Variants in EVPLL observed in about 807,000 individuals in gnomAD.
EVPLL encodes the protein envoplakin-like protein.
A neutral mutation model predicts 46.2 loss-of-function variants in EVPLL; 39 were observed. The observed-to-expected ratio is 0.84, with a 90% CI of 0.65 to 1.10. The LOEUF (loss-of-function observed/expected upper bound fraction) is 1.10, where lower values mean the gene tolerates loss of function less well. EVPLL is among the 50% of genes least tolerant of loss of function. The pLI is 0.00. For missense variants in EVPLL, 385 were observed against 412.6 expected, an observed-to-expected ratio of 0.93 and a Z score of 0.58; for synonymous variants, 156 against 165.8, an observed-to-expected ratio of 0.94 and a Z score of 0.46.
At position 18,377,822 on chromosome 17, in the gene EVPLL, ACCTGCCCT is replaced by A. The variant is rs1567808993; in HGVS notation, c.-186_-179del. 11 of 652,164 alleles carry A rather than the reference ACCTGCCCT, an allele frequency of 1.7e-5. No individual in the cohort carries two copies. Among genetic ancestry groups the A allele is most frequent in the Admixed American group, 6.0e-5 (2 of 33,252 alleles). 40.4% of individuals were successfully genotyped at this position (652,164 alleles called of 1,614,324 possible). On this transcript the variant is annotated 5_prime_UTR_variant, in exon 1 of 11. Coordinates refer to ENST00000399134, the MANE Select transcript of EVPLL (RefSeq NM_001145127.2). ...CCAGCAAGGACGCCCGCTGCCTCCC[ACCTGCCCT>A]CCTGCCCTCCTTCACCAGCCAAGCC...
intron 4 of EVPLL, 156 bp from the exon 5 acceptor site, chr17:18,382,357 C>T (rs2151628456): frequency 1.0e-6 from 1 of 1,004,232 alleles, no homozygotes; most frequent in Non-Finnish European, 1.4e-6. Context: ...GAATGGCTCA[C>T]CCTGGGTGAG....
At chr17:18,382,723 C>A (rs1226040514) in intron 5 of EVPLL, 85 bp downstream of exon 5, 1 of 1,556,420 alleles carries the variant, frequency 6.4e-7, no homozygotes, top group East Asian at 2.4e-5. Context: ...TCGGCTGGGC[C>A]CTGGGGATAG....
chr17:18,383,619 G>GC lies in EVPLL; in HGVS notation c.876+33dup, dbSNP rs1186889639. 4.1e-6 allele frequency: 4 copies of GC among 972,406 alleles called. 1 individual carries two copies. The Admixed American group carries it at 1.2e-4, about 29-fold the overall frequency. The allele number at this position is 972,406 out of a possible 1,614,324, so 60.2% of individuals were successfully genotyped here. ...CCTCGGGCAGCGGCAGGGCGGCAGG[G>GC]CGGCAGGGCGGGAGGTCCCACAGCA... On this transcript the variant is annotated intron_variant, in intron 9 of 10. Coordinates refer to ENST00000399134, the MANE Select transcript of EVPLL (RefSeq NM_001145127.2).
rs562712110 is a variant in EVPLL at position 18,381,098 on chromosome 17, G to T, written c.63+98G>T. The T allele has an allele frequency of 2.8e-6, 4 of 1,422,504 alleles. No individual in the cohort carries two copies. The highest frequency in any genetic ancestry group is 2.8e-5 in the African/African-American group (2 of 70,614). The allele number at this position is 1,422,504 out of a possible 1,614,324, so 88.1% of individuals were successfully genotyped here. A position where few individuals can be genotyped will look rare whatever the true frequency, so the allele number is the denominator to read the frequency against. On this transcript the variant is annotated intron_variant, in intron 2 of 10. Transcript: ENST00000399134. This position sits in a 1 kb window ranked among gnomAD's most constrained non-coding sequence, Gnocchi z 4.2. ...ACTCCCTGAGTGCCCCCTGGTGATG[G>T]TGAAGATGGGACAGATGACATTTGT...
Position 18,381,107 on chromosome 17 carries a change from G to A in EVPLL, c.63+107G>A, listed in dbSNP as rs1332327684. 6 of 1,389,100 alleles carry A rather than the reference G, an allele frequency of 4.3e-6. No homozygotes were observed. In the African/African-American group the frequency reaches 7.2e-5, roughly 17 times the overall value. The allele number at this position is 1,389,100 out of a possible 1,614,324, so 86.0% of individuals were successfully genotyped here. On this transcript the variant is annotated intron_variant, in intron 2 of 10. Transcript: ENST00000399134. This position sits in a 1 kb window ranked among gnomAD's most constrained non-coding sequence, Gnocchi z 4.2. ...GTGCCCCCTGGTGATGGTGAAGATG[G>A]GACAGATGACATTTGTCCTGCACCG...
At position 18,387,505 on chromosome 17, in the gene EVPLL, G is replaced by C. The variant is rs140975851; in HGVS notation, c.877-714G>C. Reference sequence around the variant, plus strand: ...AAGCATCTTGGGCTTCGTGGACCCTGTGGTCTTTGTTGCACCTACTCAGCA... The same window carrying C: ...AAGCATCTTGGGCTTCGTGGACCCTCTGGTCTTTGTTGCACCTACTCAGCA... On this transcript the variant is annotated intron_variant, in intron 9 of 10. Coordinates refer to ENST00000399134, the MANE Select transcript of EVPLL (RefSeq NM_001145127.2). Among the ~76,000 whole-genome samples, 189 of 114,520 alleles carry C rather than the reference G, an allele frequency of 1.7e-3. 2 individuals carry two copies. In the East Asian group the frequency reaches 0.034, roughly 20 times the overall value. The allele number at this position is 114,520 out of a possible 152,430, so 75.1% of individuals were successfully genotyped here.
intron 9 of EVPLL, among the ~76,000 whole-genome samples, chr17:18,384,813 C>T (rs1370044846): frequency 6.6e-6 from 1 of 152,110 alleles, no homozygotes; most frequent in African/African-American, 2.4e-5. Flanking sequence ...TTGGACCACC[C>T]GGTTCTCTGG....
In EVPLL at chr17:18,381,847, G is replaced by T; in HGVS notation, c.346+117G>T. ...TGTATAGTGGTGTCTCAGGGGTCTGGGCAGGGAGACAGCAGAGGAGACAGT... is the reference window on the plus strand; with the variant it reads ...TGTATAGTGGTGTCTCAGGGGTCTGTGCAGGGAGACAGCAGAGGAGACAGT... On this transcript the variant is annotated intron_variant, in intron 4 of 10. Coordinates refer to ENST00000399134, the MANE Select transcript of EVPLL (RefSeq NM_001145127.2). The surrounding 1 kb of genome is among the most constrained non-coding windows in gnomAD (Gnocchi z 4.2). 6.6e-7 allele frequency: 1 copy of T among 1,512,624 alleles called. No individual in the cohort carries two copies. The highest frequency in any genetic ancestry group is 1.4e-5 in the African/African-American group (1 of 73,474). 93.7% of individuals were successfully genotyped at this position (1,512,624 alleles called of 1,614,324 possible).
chr17:18,386,267 C>T (rs540001322), intron 9 of EVPLL: 26 of 152,270 alleles, frequency 1.7e-4, no homozygotes, highest in African/African-American at 6.0e-4. Flanking sequence ...TTTATAAGGA[C>T]ATCAGTCATA....
In EVPLL at chr17:18,383,344, T is replaced by C. The variant is rs1261860241; in HGVS notation, c.746T>C (p.Val249Ala). The C allele has an allele frequency of 6.4e-7, 1 of 1,565,046 alleles. No individual in the cohort carries two copies. Among genetic ancestry groups the C allele is most frequent in the Non-Finnish European group, 8.7e-7 (1 of 1,154,554 alleles). Residue 249 changes from valine (V) to alanine (A), a missense_variant, in exon 8 of 11, where the codon GTG becomes GCG. Val to Ala is a moderately conservative substitution (Grantham distance 64). Transcript: ENST00000399134. ...CTGGAGGAGGACGGCAAGCGCATGG[T>C]GGAGCTGCGGCACCCCGCGGTGGGG... ...NQLEEDGKRM[V>A]ELRHPAVGPI...
chr17:18,377,985 T>G lies in EVPLL; in HGVS notation c.-37+2T>G, dbSNP rs1444010451. 2 of 859,182 alleles carry G rather than the reference T, an allele frequency of 2.3e-6. No homozygotes were observed. Among genetic ancestry groups the G allele is most frequent in the African/African-American group, 3.6e-5 (2 of 55,000 alleles). The allele number at this position is 859,182 out of a possible 1,614,324, so 53.2% of individuals were successfully genotyped here. A position where few individuals can be genotyped will look rare whatever the true frequency, so the allele number is the denominator to read the frequency against. On this transcript the variant is annotated splice_donor_variant, in intron 1 of 10. Transcript: ENST00000399134. LOFTEE classifies it low-confidence loss of function (5UTR_SPLICE). ...AGGCTCCCCCAGCAAGCACAGCTGG[T>G]GAGTGGGACTAGGGGATGGGGAGCC...
intron 9 of EVPLL, among the ~76,000 whole-genome samples, chr17:18,387,690 A>G (rs1335298680): frequency 6.6e-6 from 1 of 152,084 alleles, no homozygotes; most frequent in African/African-American, 2.4e-5. Context: ...TCATGACAAC[A>G]CTGACCTTCG....
Position 18,382,565 on chromosome 17 carries a change from A to G in EVPLL, c.399A>G (p.Thr133=). Residue 133 remains threonine, a synonymous_variant, in exon 5 of 11, where the codon ACA becomes ACG. Coordinates refer to ENST00000399134, the MANE Select transcript of EVPLL (RefSeq NM_001145127.2). ...VWAGHGGAGG[T]DRGAQHRAEG... ...CCGGGCATGGCGGAGCTGGAGGAACAGATCGCGGAGCTCAACATCGTGCAG... is the reference window on the plus strand; with the variant it reads ...CCGGGCATGGCGGAGCTGGAGGAACGGATCGCGGAGCTCAACATCGTGCAG... 6.4e-7 allele frequency: 1 copy of G among 1,551,832 alleles called. No homozygotes were observed. Among genetic ancestry groups the G allele is most frequent in the Non-Finnish European group, 8.7e-7 (1 of 1,147,034 alleles).
chr17:18,380,735 C>T (rs1267577857), intron 1 of EVPLL, 167 bp from the exon 2 acceptor site: 1 of 618,640 alleles, frequency 1.6e-6, no homozygotes, highest in Non-Finnish European at 2.9e-6. Context: ...ACACCCCCAA[C>T]CAGGTCTAGC....
intron 1 of EVPLL, among the ~76,000 whole-genome samples, chr17:18,379,681 GC>G (rs1171201828): frequency 6.6e-6 from 1 of 152,210 alleles, no homozygotes; most frequent in Non-Finnish European, 1.5e-5. Context: ...CTTACTGCAT[GC>G]CAGGACTGTT....
intron 9 of EVPLL, chr17:18,383,810 TA>T (rs1244408913): frequency 5.7e-6 from 3 of 528,346 alleles, no homozygotes; most frequent in Non-Finnish European, 1.0e-5. Context: ...CTGTCTCTAC[TA>T]AAAATACCAA....
At position 18,381,669 on chromosome 17, in the gene EVPLL, G is replaced by A. The variant is rs776866687; in HGVS notation, c.285G>A (p.Met95Ile). 5.6e-6 allele frequency: 9 copies of A among 1,614,092 alleles called. No homozygotes were observed. The highest frequency in any genetic ancestry group is 1.7e-5 in the Admixed American group (1 of 60,014). Residue 95 changes from methionine (M) to isoleucine (I), a missense_variant, in exon 4 of 11, where the codon ATG becomes ATA. Physicochemically the swap from Met to Ile is conservative, Grantham distance 10. Coordinates refer to ENST00000399134, the MANE Select transcript of EVPLL (RefSeq NM_001145127.2). The surrounding 1 kb of genome is among the most constrained non-coding windows in gnomAD (Gnocchi z 4.2). ...AGTACTGTGCCCTGTACGAGAAGAT[G>A]GTGCTGCCGCCCCGACGTGGGATCC... The part of the protein sequence containing the change: ...CAEYCALYEK[M>I]VLPPRRGIQG...
chr17:18,379,277 G>A (rs1462879315), intron 1 of EVPLL, among the ~76,000 whole-genome samples: 5 of 152,222 alleles, frequency 3.3e-5, no homozygotes, highest in Admixed American at 1.3e-4. Flanking sequence ...CCAGGGTGTC[G>A]AGATAAGCTC....
rs1987589362 is a variant in EVPLL, at chr17:18,381,840, G to A, written c.346+110G>A. 2 of 1,543,796 alleles carry A rather than the reference G, an allele frequency of 1.3e-6. No homozygotes were observed. The highest frequency in any genetic ancestry group is 2.7e-5 in the African/African-American group (2 of 73,882). On this transcript the variant is annotated intron_variant, in intron 4 of 10. Coordinates refer to ENST00000399134, the MANE Select transcript of EVPLL (RefSeq NM_001145127.2). The surrounding 1 kb of genome is among the most constrained non-coding windows in gnomAD (Gnocchi z 4.2). Reference sequence around the variant, plus strand: ...CAGTCAGTGTATAGTGGTGTCTCAGGGGTCTGGGCAGGGAGACAGCAGAGG... The same window carrying A: ...CAGTCAGTGTATAGTGGTGTCTCAGAGGTCTGGGCAGGGAGACAGCAGAGG...
Sources: gnomAD v4.1 joint callset for allele counts (sites outside exome capture counted in the v4.1 genomes callset) on GRCh38, gnomAD v4.1.1 for gene constraint, Gnocchi (gnomAD v3.1) non-coding constraint, MANE v1.5 for transcripts, NCBI Gene and HGNC (gene_info 2026-07-23, HGNC 2026-07-21) for gene names.